PPP1R21: variants seen among roughly 807,000 people sequenced by gnomAD.
The protein encoded by PPP1R21 is KLRAQ motif containing 1.
A neutral mutation model predicts 112.8 loss-of-function variants in PPP1R21; 85 were observed. That is an observed-to-expected ratio of 0.75 (90% confidence interval 0.63 to 0.90). The LOEUF is 0.90. Ranked by LOEUF, PPP1R21 falls within the 40% of genes least tolerant of loss-of-function variation. The pLI, the probability that PPP1R21 is intolerant of heterozygous loss-of-function variation, is 0.00. For synonymous variants in PPP1R21, 381 were observed against 322.3 expected (o/e 1.18, Z -1.95); for missense variants, 1,199 against 901.5 (o/e 1.33, Z -4.23).
intron 11 of PPP1R21, among the ~76,000 whole-genome samples, chr2:48,472,992 T>C (rs1668591098): frequency 1.4e-5 from 2 of 142,930 alleles, no homozygotes; most frequent in African/African-American, 5.2e-5. Flanking sequence ...GGTGATAGAG[T>C]CCCTGTCTCT....
At position 48,487,564 on chromosome 2, in the gene PPP1R21, A is replaced by C. The variant is rs189086643; in HGVS notation, c.1446+806A>C. Among the ~76,000 whole-genome samples the C allele has an allele frequency of 1.3e-4, 20 of 151,898 alleles. No homozygotes were observed. In the East Asian group the frequency reaches 3.3e-3, roughly 25 times the overall value. ...TATTGCTTGAGCCCAGGAGTTCAAG[A>C]CCAGCCTCAGCAACATGTCAAGACC... On this transcript the variant is annotated intron_variant, in intron 14 of 21. Coordinates refer to ENST00000294952, the MANE Select transcript of PPP1R21 (RefSeq NM_001135629.3).
intron 15 of PPP1R21, among the ~76,000 whole-genome samples, chr2:48,493,732 C>T (rs1259114919): frequency 6.6e-6 from 1 of 151,540 alleles, no homozygotes; most frequent in African/African-American, 2.4e-5. Context: ...TTATTTAGTC[C>T]ATCTTTTCTC....
chr2:48,485,077 G>A (rs1235547095), intron 13 of PPP1R21, among the ~76,000 whole-genome samples: 3 of 152,094 alleles, frequency 2.0e-5, no homozygotes, highest in Non-Finnish European at 4.4e-5. Context: ...TGGTGGGAAT[G>A]TAAATTAGTT....
intron 7 of PPP1R21, among the ~76,000 whole-genome samples, chr2:48,464,379 G>C (rs982612136): frequency 6.6e-6 from 1 of 152,136 alleles, no homozygotes; most frequent in Non-Finnish European, 1.5e-5. Context: ...CATTAAGGAG[G>C]AGTTTGAGGA....
intron 17 of PPP1R21, among the ~76,000 whole-genome samples, chr2:48,504,301 C>G (rs953564803): frequency 1.3e-5 from 2 of 152,192 alleles, no homozygotes; most frequent in African/African-American, 2.4e-5. Context: ...TTGATATACT[C>G]TCAGTGTTCA....
intron 12 of PPP1R21, among the ~76,000 whole-genome samples, chr2:48,477,116 ATTT>A (rs779139882): frequency 1.7e-5 from 2 of 114,772 alleles, no homozygotes; most frequent in African/African-American, 3.1e-5. Context: ...TTTTGAATTA[ATTT>A]TTTTTTTTTT....
chr2:48,484,514 CT>C lies in PPP1R21; in HGVS notation c.1319-2098del, dbSNP rs56150780. 9.2e-3 allele frequency among the ~76,000 whole-genome samples: 1,136 copies of C among 122,868 alleles called. 10 individuals carry two copies. The highest frequency in any genetic ancestry group is 0.016 in the East Asian group (71 of 4,414). The allele number at this position is 122,868 out of a possible 152,430, so 80.6% of individuals were successfully genotyped here. On this transcript the variant is annotated intron_variant, in intron 13 of 21. Transcript: ENST00000294952. ...ATCTTTGGACTAAATAAAGAATAAA[CT>C]TTTTTTTTTTTTTTTTTTCTGGACT...
rs1553339307 is a variant in PPP1R21 at position 48,469,535 on chromosome 2, T to TATATAGAGAGAG, written c.898-1551_898-1550insTATAGAGAGAGA. On this transcript the variant is annotated intron_variant, in intron 9 of 21. Transcript: ENST00000294952. Reference sequence around the variant, plus strand: ...ATATATATATATATATATATATATATAGAGCATATATATATATAGAGAGAG... The same window carrying TATATAGAGAGAG: ...ATATATATATATATATATATATATATATATAGAGAGAGAGAGCATATATATATATAGAGAGAG... Among the ~76,000 whole-genome samples the TATATAGAGAGAG allele has an allele frequency of 1.1e-4, 8 of 73,224 alleles. 1 individual carries two copies. Among genetic ancestry groups the TATATAGAGAGAG allele is most frequent in the Non-Finnish European group, 1.9e-4 (7 of 37,812 alleles). 48.0% of individuals were successfully genotyped at this position (73,224 alleles called of 152,430 possible).
At chr2:48,441,093 G>A in intron 1 of PPP1R21, 83 bp downstream of exon 1, 1 of 977,934 alleles carries the variant, frequency 1.0e-6, no homozygotes. Context: ...GGACCTAGGG[G>A]TACTGCGGGA....
In PPP1R21 at chr2:48,456,307, T is replaced by C. The variant is rs559447484; in HGVS notation, c.273+1566T>C. Among the ~76,000 whole-genome samples the C allele has an allele frequency of 3.3e-5, 5 of 151,894 alleles. No homozygotes were observed. The East Asian group carries it at 9.7e-4, about 29-fold the overall frequency. ...TGATTGAGTCTTTAAGTCTTGTATG[T>C]ATATAGACTAACACTCCACAAATGT... On this transcript the variant is annotated intron_variant, in intron 3 of 21. Coordinates refer to ENST00000294952, the MANE Select transcript of PPP1R21 (RefSeq NM_001135629.3).
At chr2:48,481,091 T>G (rs1011956241) in intron 13 of PPP1R21, among the ~76,000 whole-genome samples, 1 of 152,184 alleles carries the variant, frequency 6.6e-6, no homozygotes, top group Admixed American at 6.5e-5. Context: ...TGGGTTCAAG[T>G]GATTCTTCTG....
At chr2:48,460,663 G>T (rs1572842036) in intron 6 of PPP1R21, among the ~76,000 whole-genome samples, 1 of 152,058 alleles carries the variant, frequency 6.6e-6, no homozygotes, top group African/African-American at 2.4e-5. Context: ...TATCGATTTT[G>T]TTGCATCGTT....
chr2:48,442,999 C>G (rs904359943), intron 1 of PPP1R21, among the ~76,000 whole-genome samples: 1 of 152,066 alleles, frequency 6.6e-6, no homozygotes, highest in Non-Finnish European at 1.5e-5. Flanking sequence ...AGGGAGTAGA[C>G]TGTTGAAATA....
chr2:48,494,965 C>T (rs936932274), intron 15 of PPP1R21, among the ~76,000 whole-genome samples: 5 of 152,136 alleles, frequency 3.3e-5, no homozygotes, highest in Non-Finnish European at 5.9e-5. Flanking sequence ...CTCGGTGTCC[C>T]AAAGTGCTAA....
intron 1 of PPP1R21, among the ~76,000 whole-genome samples, chr2:48,449,894 A>C (rs941919796): frequency 6.6e-6 from 1 of 152,090 alleles, no homozygotes; most frequent in South Asian, 2.1e-4. Context: ...CTTCAGCTAC[A>C]ATGAGCTTGT....
chr2:48,492,468 T>TA (rs1572881483), intron 15 of PPP1R21, among the ~76,000 whole-genome samples: 1 of 152,248 alleles, frequency 6.6e-6, no homozygotes, highest in East Asian at 1.9e-4. Flanking sequence ...TCCTTTTAGA[T>TA]ACGGCATAGA....
intron 13 of PPP1R21, among the ~76,000 whole-genome samples, chr2:48,486,188 A>C (rs1669289426): frequency 6.6e-6 from 1 of 152,086 alleles, no homozygotes; most frequent in Non-Finnish European, 1.5e-5. Flanking sequence ...AACTAGCTAT[A>C]GCCCAGTAAG....
At chr2:48,503,256 T>C (rs1325150936) in intron 17 of PPP1R21, among the ~76,000 whole-genome samples, 6 of 152,202 alleles carry the variant, frequency 3.9e-5, no homozygotes, top group Non-Finnish European at 7.3e-5. Flanking sequence ...ATCGTTTTTT[T>C]CTACTAAATT....
At position 48,460,671 on chromosome 2, in the gene PPP1R21, G is replaced by T. The variant is rs542536266; in HGVS notation, c.600-467G>T. ...TTTCTCATATCGATTTTGTTGCATC[G>T]TTAGAATTACATGCATGATTTAGAT... On this transcript the variant is annotated intron_variant, in intron 6 of 21. Transcript: ENST00000294952. Among the ~76,000 whole-genome samples, 9 of 152,126 alleles carry T rather than the reference G, an allele frequency of 5.9e-5. No individual in the cohort carries two copies. In the South Asian group the frequency reaches 1.9e-3, roughly 32 times the overall value.
Sources: gnomAD v4.1 joint callset for allele counts (sites outside exome capture counted in the v4.1 genomes callset) on GRCh38, gnomAD v4.1.1 for gene constraint, MANE v1.5 for transcripts, NCBI Gene and HGNC (gene_info 2026-07-23, HGNC 2026-07-21) for gene names.